Variants in CRADD observed in about 807,000 individuals in gnomAD.
CRADD encodes the protein death domain-containing protein CRADD.
In CRADD, 9 loss-of-function variants were observed where a neutral mutation model predicts 15.5. The ratio of observed to expected loss-of-function variants is 0.58; its 90% CI spans 0.35 to 1.01. CRADD has a LOEUF of 1.01. Among genes scored for constraint, CRADD ranks in the 50% least tolerant of loss-of-function variants. The pLI is 0.02. For synonymous variants in CRADD, 118 were observed against 107.6 expected, an observed-to-expected ratio of 1.10 and a Z score of -0.60; for missense variants, 227 against 250.3, an observed-to-expected ratio of 0.91 and a Z score of 0.63.
intron 2 of CRADD, among the ~76,000 whole-genome samples, chr12:93,865,489 G>A (rs532060221): frequency 2.6e-5 from 4 of 152,072 alleles, no homozygotes; most frequent in Non-Finnish European, 4.4e-5. Flanking sequence ...GTGATCTGGG[G>A]GTCACTGTAG....
At chr12:93,888,816 G>A (rs1958556533) in intron 2 of CRADD, among the ~76,000 whole-genome samples, 1 of 152,218 alleles carries the variant, frequency 6.6e-6, no homozygotes, top group Admixed American at 6.5e-5. Flanking sequence ...TCTTGAGATT[G>A]TTGTCAGATG....
intron 2 of CRADD, among the ~76,000 whole-genome samples, chr12:93,715,513 T>C (rs1459657374): frequency 6.6e-6 from 1 of 152,114 alleles, no homozygotes; most frequent in African/African-American, 2.4e-5. Context: ...TTAGGATGTT[T>C]TGTCAAAAAA....
At chr12:93,771,173 A>G (rs901300143) in intron 2 of CRADD, among the ~76,000 whole-genome samples, 21 of 152,332 alleles carry the variant, frequency 1.4e-4, no homozygotes, top group African/African-American at 5.1e-4. Flanking sequence ...AACATTCACA[A>G]GTATACATAT....
chr12:93,887,740 A>G (rs908756478), intron 2 of CRADD, among the ~76,000 whole-genome samples: 3 of 152,208 alleles, frequency 2.0e-5, no homozygotes, highest in African/African-American at 7.2e-5. Context: ...ACAAAAATAA[A>G]ATTTACTGAG....
At chr12:93,773,813 GTTTTTTTTTTT>G (rs3030268) in intron 2 of CRADD, among the ~76,000 whole-genome samples, 1 of 87,550 alleles carries the variant, frequency 1.1e-5, no homozygotes, top group Non-Finnish European at 2.0e-5. Flanking sequence ...TACTTTGTGA[GTTTTTTTTTTT>G]TTTTTTTTTT....
intron 2 of CRADD, among the ~76,000 whole-genome samples, chr12:93,829,388 G>T (rs1957863949): frequency 6.6e-6 from 1 of 152,294 alleles, no homozygotes; most frequent in South Asian, 2.1e-4. Context: ...CAAGTTCCTG[G>T]ACCCGGGAGA....
chr12:93,828,713 C>G (rs777678943), intron 2 of CRADD, among the ~76,000 whole-genome samples: 1 of 152,188 alleles, frequency 6.6e-6, no homozygotes, highest in Non-Finnish European at 1.5e-5. Flanking sequence ...TTCACTAATA[C>G]CCACTGTCAA....
At chr12:93,801,089 T>G (rs978924093) in intron 2 of CRADD, among the ~76,000 whole-genome samples, 1 of 152,234 alleles carries the variant, frequency 6.6e-6, no homozygotes, top group African/African-American at 2.4e-5. Flanking sequence ...TGCTGTAGAC[T>G]TTCAACCATA....
At chr12:93,815,871 A>G (rs1270171369) in intron 2 of CRADD, 1 of 152,248 alleles carries the variant, frequency 6.6e-6, no homozygotes, top group Admixed American at 6.5e-5. Flanking sequence ...TTCCAGGATT[A>G]CAAAGGCCCA....
chr12:93,876,983 G>A (rs934676195), intron 2 of CRADD, among the ~76,000 whole-genome samples: 4 of 152,120 alleles, frequency 2.6e-5, no homozygotes, highest in African/African-American at 9.7e-5. Context: ...TCAGATATTT[G>A]AAAGAACCTG....
At chr12:93,769,599 C>T (rs1957061701) in intron 2 of CRADD, among the ~76,000 whole-genome samples, 1 of 152,248 alleles carries the variant, frequency 6.6e-6, no homozygotes, top group South Asian at 2.1e-4. Flanking sequence ...CACAAATCTA[C>T]AATCCCATCA....
intron 2 of CRADD, among the ~76,000 whole-genome samples, chr12:93,893,165 C>T (rs537899253): frequency 6.6e-6 from 1 of 152,262 alleles, no homozygotes; most frequent in African/African-American, 2.4e-5. Flanking sequence ...TTAGAGATTT[C>T]TTTACAGTTC....
At chr12:93,732,150 AAAAG>A (rs1035283653) in intron 2 of CRADD, among the ~76,000 whole-genome samples, 21 of 152,018 alleles carry the variant, frequency 1.4e-4, no homozygotes, top group Admixed American at 3.3e-4. Flanking sequence ...AAAAAAAAAA[AAAAG>A]AAAGAAAGAA....
chr12:93,697,619 A>G (rs1029281229), intron 2 of CRADD, among the ~76,000 whole-genome samples: 14 of 152,224 alleles, frequency 9.2e-5, no homozygotes, highest in African/African-American at 3.1e-4. Flanking sequence ...TTAATTTAAA[A>G]AAGAGATAGC....
intron 2 of CRADD, among the ~76,000 whole-genome samples, chr12:93,867,404 T>TATATATATATA (rs1491540248): frequency 1.2e-4 from 15 of 127,252 alleles, no homozygotes; most frequent in Admixed American, 1.7e-4. Flanking sequence ...TATATATATA[T>TATATATATATA]TTTTTAAACT....
At chr12:93,807,524 T>C (rs1277154941) in intron 2 of CRADD, among the ~76,000 whole-genome samples, 2 of 152,148 alleles carry the variant, frequency 1.3e-5, no homozygotes, top group African/African-American at 4.8e-5. Context: ...TTATCTACCA[T>C]GTGCTAGGCA....
At chr12:93,755,179 T>G (rs1219630591) in intron 2 of CRADD, among the ~76,000 whole-genome samples, 14 of 152,134 alleles carry the variant, frequency 9.2e-5, no homozygotes, top group Admixed American at 9.2e-4. Flanking sequence ...CCCTATGATT[T>G]CATTACCTCC....
chr12:93,742,719 T>A (rs1415509231), intron 2 of CRADD, among the ~76,000 whole-genome samples: 2 of 152,140 alleles, frequency 1.3e-5, no homozygotes, highest in Non-Finnish European at 2.9e-5. Context: ...AAATGGGCAT[T>A]CCTTCCGACT....
At chr12:93,741,875 T>A (rs1033584567) in intron 2 of CRADD, among the ~76,000 whole-genome samples, 6 of 152,164 alleles carry the variant, frequency 3.9e-5, no homozygotes, top group African/African-American at 1.4e-4. Flanking sequence ...CCTGTGCTCT[T>A]TCTAGGCTCT....
Sources: allele counts gnomAD v4.1 joint callset (sites outside exome capture counted in the v4.1 genomes callset), GRCh38; gene constraint gnomAD v4.1.1; transcripts MANE v1.5; gene names NCBI Gene and HGNC (gene_info 2026-07-23, HGNC 2026-07-21).